GTF2IRD1: variants seen among roughly 807,000 people sequenced by gnomAD.
The protein encoded by GTF2IRD1 is general transcription factor II-I repeat domain-containing protein 1.
In GTF2IRD1, 26 loss-of-function variants were observed where a neutral mutation model predicts 113.2. That is an observed-to-expected ratio of 0.23 (90% CI 0.17 to 0.32). The LOEUF (loss-of-function observed/expected upper bound fraction) is 0.32, where lower values mean the gene tolerates loss of function less well. Ranked by LOEUF, GTF2IRD1 falls within the 10% of genes least tolerant of loss-of-function variation. GTF2IRD1 has a pLI of 1.00. For missense variants in GTF2IRD1, 864 were observed against 1,280.8 expected (o/e 0.67, Z 4.97); for synonymous variants, 484 against 529.1 (o/e 0.91, Z 1.17).
At chr7:74,581,232 G>A (rs1801402742) in intron 22 of GTF2IRD1, among the ~76,000 whole-genome samples, 1 of 152,200 alleles carries the variant, frequency 6.6e-6, no homozygotes, top group Non-Finnish European at 1.5e-5. Flanking sequence ...ATGTTGGCCA[G>A]GCTGGTCTTG....
At chr7:74,580,077 G>C (rs1801321541) in intron 22 of GTF2IRD1, among the ~76,000 whole-genome samples, 1 of 152,184 alleles carries the variant, frequency 6.6e-6, no homozygotes, top group Non-Finnish European at 1.5e-5. Flanking sequence ...TCTCATCCAT[G>C]AAATGGAGCT....
intron 1 of GTF2IRD1, among the ~76,000 whole-genome samples, chr7:74,498,229 C>G (rs562227519): frequency 1.7e-4 from 26 of 152,078 alleles, no homozygotes; most frequent in Non-Finnish European, 1.9e-4. Context: ...TCTCGAGCTC[C>G]TGGCCTCAAG....
intron 1 of GTF2IRD1, among the ~76,000 whole-genome samples, chr7:74,459,816 A>C (rs1793245067): frequency 6.6e-6 from 1 of 152,068 alleles, no homozygotes; most frequent in South Asian, 2.1e-4. Flanking sequence ...CCAACCCTAC[A>C]ACTGCTGCCT....
intron 1 of GTF2IRD1, among the ~76,000 whole-genome samples, chr7:74,480,027 G>A (rs1009525637): frequency 1.1e-4 from 16 of 152,020 alleles, no homozygotes; most frequent in Non-Finnish European, 2.1e-4. Context: ...GATTACAGTC[G>A]TGAGCCATCG....
intron 1 of GTF2IRD1, among the ~76,000 whole-genome samples, chr7:74,463,966 C>T (rs548257878): frequency 3.9e-5 from 6 of 152,166 alleles, no homozygotes; most frequent in Non-Finnish European, 8.8e-5. Flanking sequence ...TCAAATGATC[C>T]ACCCATCTTG....
At chr7:74,565,755 A>G (rs972842872) in intron 22 of GTF2IRD1, among the ~76,000 whole-genome samples, 5 of 152,102 alleles carry the variant, frequency 3.3e-5, no homozygotes, top group Non-Finnish European at 5.9e-5. Flanking sequence ...GGATTGCTTG[A>G]AGCCAGGAGT....
chr7:74,572,762 C>T (rs1457871816), intron 22 of GTF2IRD1, among the ~76,000 whole-genome samples: 2 of 152,126 alleles, frequency 1.3e-5, no homozygotes, highest in African/African-American at 4.8e-5. Context: ...CTAAAGATAT[C>T]ACAATTCCAG....
intron 1 of GTF2IRD1, among the ~76,000 whole-genome samples, chr7:74,475,212 G>A (rs1342206758): frequency 6.6e-6 from 1 of 152,208 alleles, no homozygotes; most frequent in Admixed American, 6.6e-5. Context: ...CTATGATCAC[G>A]CCATTGCGAT....
intron 22 of GTF2IRD1, among the ~76,000 whole-genome samples, chr7:74,574,170 T>G (rs1800862682): frequency 3.4e-5 from 5 of 148,024 alleles, no homozygotes; most frequent in Non-Finnish European, 6.0e-5. Context: ...TTTTTTTTTT[T>G]TTTGTATTTT....
chr7:74,533,236 G>T (rs1798078843), intron 9 of GTF2IRD1, among the ~76,000 whole-genome samples: 1 of 150,158 alleles, frequency 6.7e-6, no homozygotes, highest in Non-Finnish European at 1.5e-5. Context: ...TCAGGTTCAA[G>T]CAATTCTCCT....
chr7:74,591,040 G>C (rs782802191), intron 24 of GTF2IRD1, 23 bp downstream of exon 24: 2 of 1,573,356 alleles, frequency 1.3e-6, no homozygotes, highest in African/African-American at 1.3e-5. Flanking sequence ...CCTCTGGAAC[G>C]GGGAACAGAG....
chr7:74,547,078 C>A (rs1156488918), intron 16 of GTF2IRD1, 25 bp from the exon 17 acceptor site: 25 of 1,602,356 alleles, frequency 1.6e-5, no homozygotes, highest in Non-Finnish European at 2.1e-5. Flanking sequence ...CACCGGGTGG[C>A]CCTACAGCAG....
rs571705570 is a variant in GTF2IRD1, at chr7:74,489,242, C to T, written c.-6-18833C>T. Among the ~76,000 whole-genome samples the T allele has an allele frequency of 3.3e-5, 5 of 152,340 alleles. No homozygotes were observed. In the South Asian group the frequency reaches 1.0e-3, roughly 32 times the overall value. On this transcript the variant is annotated intron_variant, in intron 1 of 26. Transcript: ENST00000424337. ...TTCTTCCACGAGTTCACCCTGCCAT[C>T]CTCAGATACCCTCACCTCCCGGGCT...
chr7:74,458,440 C>G lies in GTF2IRD1; in HGVS notation c.-7+4264C>G, dbSNP rs139298105. ...CAGGAGGGGCCTGGCCTCTCGGAAT[C>G]CCCTCAGCCCCATCTCATAGAAACA... On this transcript the variant is annotated intron_variant, in intron 1 of 26. Transcript: ENST00000424337. 1.3e-3 allele frequency among the ~76,000 whole-genome samples: 205 copies of G among 152,006 alleles called. 2 individuals carry two copies. Among genetic ancestry groups the G allele is most frequent in the Middle Eastern group, 0.01 (3 of 294 alleles).
rs1414789387 is a variant in GTF2IRD1, at chr7:74,517,425, ACCTTTTTTTTT to A, written c.422-713_422-703del. 5.8e-3 allele frequency among the ~76,000 whole-genome samples: 500 copies of A among 86,214 alleles called. 5 individuals are homozygous for A. The highest frequency in any genetic ancestry group is 0.023 in the African/African-American group (459 of 20,002). 56.6% of individuals were successfully genotyped at this position (86,214 alleles called of 152,430 possible). On this transcript the variant is annotated intron_variant, in intron 4 of 26. Transcript: ENST00000424337. ...TCGGTCTCTCTCCCTTCCTCCCTACACCTTTTTTTTTTTTTTTTTTTTTTTGAGATGGATTC... is the reference window on the plus strand; with the variant it reads ...TCGGTCTCTCTCCCTTCCTCCCTACATTTTTTTTTTTTTTGAGATGGATTC...
At chr7:74,475,202 C>T (rs913377325) in intron 1 of GTF2IRD1, among the ~76,000 whole-genome samples, 1 of 152,146 alleles carries the variant, frequency 6.6e-6, no homozygotes. Context: ...CTGCAGTGAG[C>T]TATGATCACG....
Position 74,503,486 on chromosome 7 carries a change from G to A in GTF2IRD1, c.-6-4589G>A, listed in dbSNP as rs184920592. On this transcript the variant is annotated intron_variant, in intron 1 of 26. Transcript: ENST00000424337. ...ACTTTAATATTTCAGCTTTTAGGCCGGGCTGTAATCCCAGCACTTTGGGAG... is the reference window on the plus strand; with the variant it reads ...ACTTTAATATTTCAGCTTTTAGGCCAGGCTGTAATCCCAGCACTTTGGGAG... Among the ~76,000 whole-genome samples the A allele has an allele frequency of 2.0e-4, 30 of 151,922 alleles. No individual in the cohort carries two copies. The East Asian group carries it at 4.3e-3, about 22-fold the overall frequency.
At chr7:74,530,901 T>G (rs1797928725) in intron 9 of GTF2IRD1, among the ~76,000 whole-genome samples, 3 of 152,164 alleles carry the variant, frequency 2.0e-5, no homozygotes, top group East Asian at 3.9e-4. Flanking sequence ...AGACCCCATC[T>G]CTGCAAAATA....
chr7:74,538,044 C>G, intron 11 of GTF2IRD1, 92 bp from the exon 12 acceptor site: 3 of 1,280,110 alleles, frequency 2.3e-6, no homozygotes, highest in Non-Finnish European at 3.4e-6. Context: ...CAGTGGCGCC[C>G]GCGGTGGGCC....
Sources: gnomAD v4.1 joint callset for allele counts (sites outside exome capture counted in the v4.1 genomes callset) on GRCh38, gnomAD v4.1.1 for gene constraint, MANE v1.5 for transcripts, NCBI Gene and HGNC (gene_info 2026-07-23, HGNC 2026-07-21) for gene names.